The following TMTC2 variants were observed in gnomAD, a reference collection of about 807,000 sequenced individuals.
TMTC2 encodes transmembrane O-mannosyltransferase targeting cadherins 2.
A neutral mutation model predicts 82.4 loss-of-function variants in TMTC2; 43 were observed. The observed-to-expected ratio is 0.52, with a 90% CI of 0.41 to 0.67. The LOEUF (loss-of-function observed/expected upper bound fraction) is 0.67. TMTC2 is among the 30% of genes least tolerant of loss of function. The pLI is 0.00. For missense variants in TMTC2, 919 were observed against 1,012.4 expected (o/e 0.91, Z 1.25); for synonymous variants, 408 against 381.9 (o/e 1.07, Z -0.80).
At chr12:82,887,357 T>C (rs199944003) in intron 2 of TMTC2, among the ~76,000 whole-genome samples, 2 of 152,334 alleles carry the variant, frequency 1.3e-5, no homozygotes, top group East Asian at 3.9e-4. Context: ...TGAATTTTAC[T>C]TCACTCTTAT....
At chr12:83,065,635 A>AT (rs951710697) in intron 11 of TMTC2, among the ~76,000 whole-genome samples, 16 of 150,838 alleles carry the variant, frequency 1.1e-4, no homozygotes, top group South Asian at 2.1e-4. Context: ...TTTAGTTTTA[A>AT]TTTTTTTTTG....
chr12:83,002,554 A>G (rs1332457403), intron 8 of TMTC2, among the ~76,000 whole-genome samples: 1 of 152,124 alleles, frequency 6.6e-6, no homozygotes, highest in East Asian at 1.9e-4. Context: ...TTAGCACTGT[A>G]AACTTTCCTC....
intron 1 of TMTC2, 90 bp downstream of exon 1, chr12:82,687,759 C>T (rs2136877611): frequency 1.6e-6 from 2 of 1,249,230 alleles, no homozygotes; most frequent in Non-Finnish European, 2.3e-6. Flanking sequence ...CAAAGTGCGT[C>T]TTGGAGGAAC....
chr12:82,832,976 T>G (rs925663009), intron 1 of TMTC2, among the ~76,000 whole-genome samples: 2 of 152,206 alleles, frequency 1.3e-5, no homozygotes, highest in African/African-American at 4.8e-5. Flanking sequence ...GCAAGAGATT[T>G]AGTACTACCC....
At chr12:82,916,208 G>A (rs1475855276) in intron 3 of TMTC2, among the ~76,000 whole-genome samples, 1 of 152,192 alleles carries the variant, frequency 6.6e-6, no homozygotes, top group Admixed American at 6.5e-5. Flanking sequence ...TTCCCCAAGT[G>A]TTCCATTAAC....
At chr12:83,032,413 C>T (rs2137425612) in intron 9 of TMTC2, among the ~76,000 whole-genome samples, 1 of 151,054 alleles carries the variant, frequency 6.6e-6, no homozygotes, top group East Asian at 1.9e-4. Flanking sequence ...CCATCTTCTA[C>T]TTATAAAAAA....
At chr12:83,042,412 G>C (rs1881930033) in intron 9 of TMTC2, among the ~76,000 whole-genome samples, 1 of 152,130 alleles carries the variant, frequency 6.6e-6, no homozygotes, top group African/African-American at 2.4e-5. Flanking sequence ...TCCTCGTCTA[G>C]TTGCATCCTT....
chr12:82,911,307 A>G (rs1217156707), intron 3 of TMTC2, among the ~76,000 whole-genome samples: 3 of 151,926 alleles, frequency 2.0e-5, no homozygotes, highest in Non-Finnish European at 4.4e-5. Context: ...GAGCCCTAGC[A>G]AGGAACCATG....
chr12:82,816,015 G>A (rs1298366835), intron 1 of TMTC2, among the ~76,000 whole-genome samples: 1 of 152,016 alleles, frequency 6.6e-6, no homozygotes, highest in Non-Finnish European at 1.5e-5. Context: ...TTGCATTTCT[G>A]TGATGGAACA....
chr12:83,021,719 C>T (rs546146825), intron 8 of TMTC2, among the ~76,000 whole-genome samples: 2 of 152,198 alleles, frequency 1.3e-5, no homozygotes, highest in South Asian at 2.1e-4. Context: ...TCATTACTTC[C>T]ACTGCTGTCA....
In TMTC2 at chr12:82,856,997, TTTTG is replaced by T. The variant is rs1871287607; in HGVS notation, c.84-9_84-6del. 2 of 1,584,628 alleles carry T rather than the reference TTTTG, an allele frequency of 1.3e-6. No individual in the cohort carries two copies. The highest frequency in any genetic ancestry group is 1.7e-6 in the Non-Finnish European group (2 of 1,167,354). On this transcript the variant is annotated splice_polypyrimidine_tract_variant and intron_variant, in intron 1 of 11. Transcript: ENST00000321196. ...GTTTTACATTTGATTTTTTTTAACG[TTTTG>T]TTTTTTAGCCGTGCTATCAAGACTA...
intron 1 of TMTC2, among the ~76,000 whole-genome samples, chr12:82,855,927 A>G (rs1192379720): frequency 6.6e-6 from 1 of 152,336 alleles, no homozygotes; most frequent in Non-Finnish European, 1.5e-5. Flanking sequence ...ACATGTCCCC[A>G]GTAGTAGATG....
In TMTC2 at chr12:82,912,567, G is replaced by A. The variant is rs185888055; in HGVS notation, c.1483+15921G>A. Among the ~76,000 whole-genome samples, 194 of 152,248 alleles carry A rather than the reference G, an allele frequency of 1.3e-3. 1 individual carries two copies. The highest frequency in any genetic ancestry group is 2.4e-3 in the Non-Finnish European group (164 of 68,024). ...TGAGATTTGCAAACAAGTTTTGATGGTTTGCAGTACTGGTGTTGAGTAATC... is the reference window on the plus strand; with the variant it reads ...TGAGATTTGCAAACAAGTTTTGATGATTTGCAGTACTGGTGTTGAGTAATC... On this transcript the variant is annotated intron_variant, in intron 3 of 11. Transcript: ENST00000321196.
intron 1 of TMTC2, among the ~76,000 whole-genome samples, chr12:82,748,037 G>A (rs1353768124): frequency 6.6e-6 from 1 of 152,156 alleles, no homozygotes; most frequent in African/African-American, 2.4e-5. Flanking sequence ...TAGGCCAGAC[G>A]CGGTGGCTCA....
chr12:82,938,935 T>A (rs10778918), intron 4 of TMTC2, among the ~76,000 whole-genome samples: 139,725 of 152,194 alleles, frequency 0.92, 64,236 homozygotes, highest in East Asian at 1. Context: ...TATACACTTT[T>A]AAGTTTTTTC....
At chr12:83,098,801 G>C (rs1020233263) in intron 11 of TMTC2, among the ~76,000 whole-genome samples, 1 of 152,116 alleles carries the variant, frequency 6.6e-6, no homozygotes, top group Non-Finnish European at 1.5e-5. Context: ...AACATGCTCT[G>C]ATTTCATGCA....
intron 1 of TMTC2, among the ~76,000 whole-genome samples, chr12:82,708,395 T>C (rs1423806523): frequency 1.3e-5 from 2 of 152,194 alleles, no homozygotes; most frequent in Non-Finnish European, 2.9e-5. Flanking sequence ...TCCCTTTCCC[T>C]GAGACCACAC....
chr12:82,877,496 G>T (rs939700742), intron 2 of TMTC2, among the ~76,000 whole-genome samples: 1 of 152,122 alleles, frequency 6.6e-6, no homozygotes, highest in African/African-American at 2.4e-5. Flanking sequence ...ATGCCCAGAG[G>T]AATTATGTAA....
chr12:82,881,572 T>G (rs555264900), intron 2 of TMTC2, among the ~76,000 whole-genome samples: 1 of 152,326 alleles, frequency 6.6e-6, no homozygotes, highest in African/African-American at 2.4e-5. Context: ...GAATAGAACC[T>G]GAATGAATTG....
Sources: gnomAD v4.1 joint callset for allele counts (sites outside exome capture counted in the v4.1 genomes callset) on GRCh38, gnomAD v4.1.1 for gene constraint, MANE v1.5 for transcripts, NCBI Gene and HGNC (gene_info 2026-07-23, HGNC 2026-07-21) for gene names.